RIMS2: variants seen among roughly 807,000 people sequenced by gnomAD.
The protein encoded by RIMS2 is regulating synaptic membrane exocytosis protein 2.
Under a neutral mutation model 174.4 loss-of-function variants are expected in RIMS2, and 59 were observed. That is an observed-to-expected ratio of 0.34 (90% CI 0.27 to 0.42). RIMS2 has a LOEUF of 0.42. Ranked by LOEUF, RIMS2 falls within the 10% of genes least tolerant of loss-of-function variation. The probability of loss-of-function intolerance (pLI) is 1.00; values close to 1 mark genes in which losing one functional copy is unlikely to be tolerated. For missense variants in RIMS2, 1,620 were observed against 1,666.3 expected, an observed-to-expected ratio of 0.97 and a Z score of 0.48; for synonymous variants, 606 against 572.5, an observed-to-expected ratio of 1.06 and a Z score of -0.84.
At chr8:103,911,851 G>C (rs1019516225) in intron 5 of RIMS2, among the ~76,000 whole-genome samples, 1 of 152,074 alleles carries the variant, frequency 6.6e-6, no homozygotes, top group African/African-American at 2.4e-5. Flanking sequence ...AAAACTTTGA[G>C]ATTATATTGA....
intron 3 of RIMS2, among the ~76,000 whole-genome samples, chr8:103,836,890 A>T (rs1033635685): frequency 1.3e-5 from 2 of 152,228 alleles, no homozygotes; most frequent in Non-Finnish European, 2.9e-5. Flanking sequence ...CAACAAATGT[A>T]TAGATGAGCA....
chr8:103,903,177 A>G (rs2073589365), intron 4 of RIMS2, among the ~76,000 whole-genome samples: 2 of 152,152 alleles, frequency 1.3e-5, no homozygotes, highest in South Asian at 2.1e-4. Context: ...AATCTGTTAG[A>G]TATCACAACT....
At chr8:103,539,532 A>T (rs1841535636) in intron 1 of RIMS2, among the ~76,000 whole-genome samples, 1 of 152,196 alleles carries the variant, frequency 6.6e-6, no homozygotes, top group Non-Finnish European at 1.5e-5. Context: ...GGAGATATCT[A>T]GGGGCAGGAA....
intron 3 of RIMS2, among the ~76,000 whole-genome samples, chr8:103,793,729 C>T (rs759439775): frequency 7.2e-5 from 11 of 152,154 alleles, no homozygotes; most frequent in Non-Finnish European, 1.0e-4. Flanking sequence ...GCAACTTCAG[C>T]AAAGTCTCAG....
At chr8:103,620,974 T>A (rs2095620981) in intron 1 of RIMS2, among the ~76,000 whole-genome samples, 1 of 152,204 alleles carries the variant, frequency 6.6e-6, no homozygotes. Flanking sequence ...TTGAACTATG[T>A]GACTATATTA....
chr8:103,668,469 A>G (rs1258599397), intron 1 of RIMS2, among the ~76,000 whole-genome samples: 2 of 152,154 alleles, frequency 1.3e-5, no homozygotes, highest in Non-Finnish European at 2.9e-5. Flanking sequence ...AAATCTTTCT[A>G]TGTTCAAATG....
rs2098114297 is a variant in RIMS2 at position 104,108,232 on chromosome 8, T to G, written c.3334+93617T>G. 2.0e-5 allele frequency among the ~76,000 whole-genome samples: 3 copies of G among 152,148 alleles called. No individual in the cohort carries two copies. In the South Asian group the frequency reaches 6.2e-4, roughly 32 times the overall value. On this transcript the variant is annotated intron_variant, in intron 19 of 23. Transcript: ENST00000504942. ...AATTCTAATGGTATCTTTTGTTATTTTTTCTTTTTTTTATTTAAGAGACAA... is the reference window on the plus strand; with the variant it reads ...AATTCTAATGGTATCTTTTGTTATTGTTTCTTTTTTTTATTTAAGAGACAA...
At chr8:103,523,299 A>G (rs778139652) in intron 1 of RIMS2, among the ~76,000 whole-genome samples, 3 of 152,032 alleles carry the variant, frequency 2.0e-5, no homozygotes, top group Non-Finnish European at 4.4e-5. Flanking sequence ...GCATCAGTTC[A>G]CTTGCCACCT....
intron 1 of RIMS2, among the ~76,000 whole-genome samples, chr8:103,662,053 C>T (rs1015693796): frequency 3.9e-5 from 6 of 152,146 alleles, no homozygotes; most frequent in Non-Finnish European, 7.4e-5. Context: ...TAATTGTCTT[C>T]GGCCACACAT....
intron 19 of RIMS2, among the ~76,000 whole-genome samples, chr8:104,149,849 A>G (rs1435706382): frequency 6.6e-6 from 1 of 152,160 alleles, no homozygotes; most frequent in Non-Finnish European, 1.5e-5. Flanking sequence ...GTCTTATTTA[A>G]CAATATTATA....
intron 19 of RIMS2, among the ~76,000 whole-genome samples, chr8:104,107,967 G>GCT (rs2098106978): frequency 7.1e-6 from 1 of 141,162 alleles, no homozygotes; most frequent in African/African-American, 2.6e-5. Flanking sequence ...TCTTTCCCCT[G>GCT]CCCCCCCCCC....
intron 17 of RIMS2, among the ~76,000 whole-genome samples, chr8:104,011,947 TAAAGA>T (rs2095775772): frequency 1.3e-5 from 2 of 152,056 alleles, no homozygotes; most frequent in Non-Finnish European, 2.9e-5. Flanking sequence ...CACTTATTTG[TAAAGA>T]AAAGTGTTCC....
chr8:104,207,309 G>A (rs960342050), intron 19 of RIMS2, among the ~76,000 whole-genome samples: 1 of 152,184 alleles, frequency 6.6e-6, no homozygotes, highest in African/African-American at 2.4e-5. Flanking sequence ...GAGTGGACAT[G>A]AGAGGTGACA....
At chr8:103,731,512 GTTA>G (rs2097594521) in intron 2 of RIMS2, among the ~76,000 whole-genome samples, 1 of 152,044 alleles carries the variant, frequency 6.6e-6, no homozygotes, top group African/African-American at 2.4e-5. Flanking sequence ...GAAGTTCTTT[GTTA>G]TTATCCCTTT....
At chr8:104,156,961 A>G (rs777260202) in intron 19 of RIMS2, among the ~76,000 whole-genome samples, 2 of 152,232 alleles carry the variant, frequency 1.3e-5, no homozygotes, top group Non-Finnish European at 2.9e-5. Context: ...TAATAGTATT[A>G]TCTTTTCACA....
At chr8:103,527,623 G>C (rs1834735457) in intron 1 of RIMS2, among the ~76,000 whole-genome samples, 1 of 151,520 alleles carries the variant, frequency 6.6e-6, no homozygotes, top group African/African-American at 2.4e-5. Context: ...TCCCACCTAT[G>C]AGTGAGAACA....
At chr8:103,704,881 T>C (rs1223772276) in intron 2 of RIMS2, among the ~76,000 whole-genome samples, 6 of 152,084 alleles carry the variant, frequency 3.9e-5, no homozygotes, top group African/African-American at 1.4e-4. Context: ...AGAGGTTTGT[T>C]AATTTTGTTT....
intron 1 of RIMS2, among the ~76,000 whole-genome samples, chr8:103,594,822 AAC>A (rs2094422352): frequency 6.6e-6 from 1 of 151,820 alleles, no homozygotes; most frequent in Non-Finnish European, 1.5e-5. Context: ...TAAGTTGCCT[AAC>A]CTTCATTTAC....
At chr8:103,685,456 C>T (rs1030720474) in intron 1 of RIMS2, among the ~76,000 whole-genome samples, 3 of 152,106 alleles carry the variant, frequency 2.0e-5, no homozygotes, top group African/African-American at 7.2e-5. Context: ...ACCCCCATGA[C>T]CCAGACACCT....
Sources: gnomAD v4.1 joint callset for allele counts (sites outside exome capture counted in the v4.1 genomes callset) on GRCh38, gnomAD v4.1.1 for gene constraint, MANE v1.5 for transcripts, NCBI Gene and HGNC (gene_info 2026-07-23, HGNC 2026-07-21) for gene names.